DAPK1: variants seen among roughly 807,000 people sequenced by gnomAD.
DAPK1 encodes the protein death associated protein kinase 1, also known as death-associated protein kinase 1.
DAPK1 carries 56 observed loss-of-function variants against 144.9 expected under a neutral mutation model. The ratio of observed to expected loss-of-function variants is 0.39; its 90% CI spans 0.31 to 0.48. The LOEUF (loss-of-function observed/expected upper bound fraction) is 0.48, where lower values mean the gene tolerates loss of function less well. DAPK1 is among the 20% of genes least tolerant of loss of function. DAPK1 has a pLI of 0.95. For synonymous variants in DAPK1, 690 were observed against 749.0 expected, an observed-to-expected ratio of 0.92 and a Z score of 1.29; for missense variants, 1,454 against 1,875.4, an observed-to-expected ratio of 0.78 and a Z score of 4.15.
At chr9:87,543,451 TTAA>T (rs1826127258) in intron 2 of DAPK1, among the ~76,000 whole-genome samples, 1 of 152,228 alleles carries the variant, frequency 6.6e-6, no homozygotes, top group Non-Finnish European at 1.5e-5. Context: ...AAATACATTG[TTAA>T]TAAATGTTCT....
At chr9:87,536,480 C>G (rs1262320910) in intron 2 of DAPK1, among the ~76,000 whole-genome samples, 1 of 151,010 alleles carries the variant, frequency 6.6e-6, no homozygotes, top group Non-Finnish European at 1.5e-5. Context: ...AAGATTTTGA[C>G]AATTAGTTAA....
In DAPK1 at chr9:87,505,128, A is replaced by G. The variant is rs150182201; in HGVS notation, c.62+5989A>G. 3.4e-3 allele frequency among the ~76,000 whole-genome samples: 525 copies of G among 152,328 alleles called. 8 individuals carry two copies. The highest frequency in any genetic ancestry group is 0.027 in the Admixed American group (419 of 15,294). The stretch of plus-strand genomic sequence containing the variant: ...GGGGTGAGGGGCTGAGCTGCTGGAT[A>G]TCTGATATCTGGGAGTGGCATGGTC... On this transcript the variant is annotated intron_variant, in intron 2 of 25. Transcript: ENST00000408954.
chr9:87,500,720 G>A (rs936826080), intron 2 of DAPK1, among the ~76,000 whole-genome samples: 10 of 152,106 alleles, frequency 6.6e-5, no homozygotes, highest in South Asian at 2.1e-4. Flanking sequence ...TTTCGTGGGC[G>A]TGATGATGAG....
intron 2 of DAPK1, among the ~76,000 whole-genome samples, chr9:87,579,936 G>C (rs1033380530): frequency 6.6e-6 from 1 of 152,146 alleles, no homozygotes; most frequent in African/African-American, 2.4e-5. Context: ...AAGCTTAGCA[G>C]TGATGTATAA....
chr9:87,517,204 C>T (rs552994012), intron 2 of DAPK1, among the ~76,000 whole-genome samples: 1 of 152,112 alleles, frequency 6.6e-6, no homozygotes, highest in Non-Finnish European at 1.5e-5. Context: ...GGGGCATCCA[C>T]TTAGTGGGCA....
At chr9:87,565,526 C>T (rs1184750851) in intron 2 of DAPK1, among the ~76,000 whole-genome samples, 4 of 152,148 alleles carry the variant, frequency 2.6e-5, no homozygotes, top group Non-Finnish European at 5.9e-5. Flanking sequence ...GCTAGTATGG[C>T]ACTAACTCAG....
At chr9:87,615,063 C>T (rs1248159435) in intron 3 of DAPK1, among the ~76,000 whole-genome samples, 1 of 152,208 alleles carries the variant, frequency 6.6e-6, no homozygotes, top group African/African-American at 2.4e-5. Context: ...TCAGTATCTG[C>T]AAGCAGGTCA....
At chr9:87,590,068 C>T (rs1392903856) in intron 2 of DAPK1, among the ~76,000 whole-genome samples, 2 of 152,124 alleles carry the variant, frequency 1.3e-5, no homozygotes, top group Admixed American at 6.5e-5. Flanking sequence ...TTCATCAGAT[C>T]AAAAGTTGAT....
At chr9:87,631,688 G>GT (rs576316460) in intron 3 of DAPK1, among the ~76,000 whole-genome samples, 185 of 152,228 alleles carry the variant, frequency 1.2e-3, no homozygotes, top group African/African-American at 4.2e-3. Flanking sequence ...AAAGTGCAAG[G>GT]TTTTTTTATT....
chr9:87,692,584 G>A (rs1230936539), intron 21 of DAPK1, among the ~76,000 whole-genome samples: 2 of 152,012 alleles, frequency 1.3e-5, no homozygotes, highest in African/African-American at 4.8e-5. Flanking sequence ...TGGTTTGGTG[G>A]CTTTCTGTAG....
intron 2 of DAPK1, among the ~76,000 whole-genome samples, chr9:87,588,495 T>G (rs1214945669): frequency 6.6e-6 from 1 of 152,192 alleles, no homozygotes; most frequent in African/African-American, 2.4e-5. Context: ...TGTTTTGTTT[T>G]GTTTTATTTC....
chr9:87,561,325 G>C (rs1302289725), intron 2 of DAPK1, among the ~76,000 whole-genome samples: 4 of 152,118 alleles, frequency 2.6e-5, no homozygotes, highest in Non-Finnish European at 5.9e-5. Flanking sequence ...AGGAGATCGA[G>C]ACCAGCCTGG....
chr9:87,562,572 T>C (rs768036286), intron 2 of DAPK1, among the ~76,000 whole-genome samples: 14 of 152,200 alleles, frequency 9.2e-5, no homozygotes, highest in Non-Finnish European at 1.5e-4. Flanking sequence ...ACTGCCACAG[T>C]AGTTATTTAA....
At chr9:87,519,599 A>G (rs1825216478) in intron 2 of DAPK1, among the ~76,000 whole-genome samples, 1 of 152,028 alleles carries the variant, frequency 6.6e-6, no homozygotes, top group African/African-American at 2.4e-5. Flanking sequence ...GCTGCCCAGT[A>G]CTGCCAATTG....
chr9:87,625,955 G>C (rs1013365094), intron 3 of DAPK1, among the ~76,000 whole-genome samples: 5 of 152,202 alleles, frequency 3.3e-5, no homozygotes, highest in Non-Finnish European at 5.9e-5. Context: ...TAATGACTAT[G>C]ATGGTTCAGT....
At position 87,704,732 on chromosome 9, in the gene DAPK1, A is replaced by G. The variant is rs566178325; in HGVS notation, c.3061-1400A>G. 4.0e-4 allele frequency among the ~76,000 whole-genome samples: 61 copies of G among 152,354 alleles called. 1 individual carries two copies. In the South Asian group the frequency reaches 0.012, roughly 31 times the overall value. ...TAGATCAATATTGGCTCTGCCCTCC[A>G]GGAATTTTCAACCTAGGTTCAATTC... On this transcript the variant is annotated intron_variant, in intron 25 of 25. Coordinates refer to ENST00000408954, the MANE Select transcript of DAPK1 (RefSeq NM_004938.4).
chr9:87,623,022 C>A (rs1015801217), intron 3 of DAPK1, among the ~76,000 whole-genome samples: 3 of 152,096 alleles, frequency 2.0e-5, no homozygotes, highest in African/African-American at 7.2e-5. Flanking sequence ...ATCATTTGGC[C>A]CTGAATTTGA....
chr9:87,661,415 G>A (rs1451069056), intron 18 of DAPK1, among the ~76,000 whole-genome samples: 1 of 152,126 alleles, frequency 6.6e-6, no homozygotes, highest in East Asian at 1.9e-4. Context: ...TTTCCATAGA[G>A]GTTGTACTAA....
At position 87,596,634 on chromosome 9, in the gene DAPK1, G is replaced by A. The variant is rs143122745; in HGVS notation, c.63-8320G>A. ...GCCTGGGACAGGGCCTGCATTCAGG[G>A]TGGTTTGGACACCCTCACTCCTTTC... On this transcript the variant is annotated intron_variant, in intron 2 of 25. Transcript: ENST00000408954. 4.4e-3 allele frequency among the ~76,000 whole-genome samples: 666 copies of A among 152,268 alleles called. 5 individuals carry two copies. Among genetic ancestry groups the A allele is most frequent in the African/African-American group, 0.015 (620 of 41,552 alleles).
Sources: allele counts gnomAD v4.1 joint callset (sites outside exome capture counted in the v4.1 genomes callset), GRCh38; gene constraint gnomAD v4.1.1; transcripts MANE v1.5; gene names NCBI Gene and HGNC (gene_info 2026-07-23, HGNC 2026-07-21).